The following ZNF440 variants were observed in gnomAD, a reference collection of about 807,000 sequenced individuals.
ZNF440 encodes zinc finger protein 440.
ZNF440 carries 47 observed loss-of-function variants against 49.7 expected under a neutral mutation model. The ratio of observed to expected loss-of-function variants is 0.95; its 90% CI spans 0.75 to 1.21. ZNF440 has a LOEUF of 1.21. Ranked by LOEUF, ZNF440 falls within the 50% of genes most tolerant of loss-of-function variation. ZNF440 has a pLI of 0.00. For missense variants in ZNF440, 703 were observed against 715.0 expected, an observed-to-expected ratio of 0.98 and a Z score of 0.19; for synonymous variants, 255 against 237.7, an observed-to-expected ratio of 1.07 and a Z score of -0.67.
Position 11,831,943 on chromosome 19 carries a change from A to G in ZNF440, c.767A>G (p.Tyr256Cys), listed in dbSNP as rs200303910. 6.2e-7 allele frequency: 1 copy of G among 1,614,096 alleles called. No individual in the cohort carries two copies. The highest frequency in any genetic ancestry group is 1.3e-5 in the African/African-American group (1 of 75,050). The change falls in exon 4 of 4, where the codon TAT becomes TGT. Residue 256 changes from tyrosine (Y) to cysteine (C), a missense_variant. Physicochemically the swap from Tyr to Cys is radical, Grantham distance 194 (BLOSUM62 -2). Coordinates refer to ENST00000304060, the MANE Select transcript of ZNF440 (RefSeq NM_152357.3). ...AGAACTCACACTGGAGAAAAGCCTT[A>G]TGAATATCAGGAGTGTGGGAAAGCA... ...HKRTHTGEKP[Y>C]EYQECGKAFH...
rs115339733 is a variant in ZNF440 at position 11,830,115 on chromosome 19, G to T, written c.4-168G>T. On this transcript the variant is annotated intron_variant, in intron 1 of 3. Coordinates refer to ENST00000304060, the MANE Select transcript of ZNF440 (RefSeq NM_152357.3). ...ACAAGAGTGAAAAAAAAAACAAGTT[G>T]CTTTGTGGAAGAAAGTAAGTATACA... 1,571 of 1,367,360 alleles carry T rather than the reference G, an allele frequency of 1.1e-3. 16 individuals are homozygous for T. In the African/African-American group the frequency reaches 0.02, roughly 17 times the overall value. 84.7% of individuals were successfully genotyped at this position (1,367,360 alleles called of 1,614,324 possible). A position where few individuals can be genotyped will look rare whatever the true frequency, so the allele number is the denominator to read the frequency against.
At chr19:11,814,509 C>G (rs1975707753) in intron 1 of ZNF440, 59 bp downstream of exon 1, 1 of 1,438,408 alleles carries the variant, frequency 7.0e-7, no homozygotes, top group African/African-American at 1.5e-5. Flanking sequence ...TCGGCCGGAA[C>G]CGGCTGAGGC....
intron 1 of ZNF440, among the ~76,000 whole-genome samples, chr19:11,820,303 G>A (rs938526325): frequency 2.2e-4 from 33 of 152,134 alleles, no homozygotes; most frequent in South Asian, 8.3e-4. Context: ...TGCAAGCTCC[G>A]CTTCCCGGGT....
At chr19:11,830,015 A>G (rs899103437) in intron 1 of ZNF440, 2 of 526,142 alleles carry the variant, frequency 3.8e-6, no homozygotes, top group Non-Finnish European at 6.3e-6. Context: ...TTAGCTACTC[A>G]GGAGGCTGAG....
chr19:11,832,294 G>A lies in ZNF440; in HGVS notation c.1118G>A (p.Cys373Tyr), dbSNP rs1026562139. Reference sequence around the variant, plus strand: ...GAGAAACCCTATAAATGTAAGCAGTGTGGTAAAGCCTTCCCTCATTCCAGT... The same window carrying A: ...GAGAAACCCTATAAATGTAAGCAGTATGGTAAAGCCTTCCCTCATTCCAGT... ...SGEKPYKCKQCGKAFPHSSSL... is the reference protein window; with the variant it reads ...SGEKPYKCKQYGKAFPHSSSL... The change falls in exon 4 of 4, where the codon TGT (cysteine) becomes TAT (tyrosine). Residue 373 changes from cysteine to tyrosine, a missense_variant. Coordinates refer to ENST00000304060, the MANE Select transcript of ZNF440 (RefSeq NM_152357.3). 5 of 1,614,038 alleles carry A rather than the reference G, an allele frequency of 3.1e-6. No homozygotes were observed. The highest frequency in any genetic ancestry group is 2.2e-5 in the East Asian group (1 of 44,884).
At chr19:11,830,067 G>GCA in intron 1 of ZNF440, 3 of 912,216 alleles carry the variant, frequency 3.3e-6, no homozygotes, top group Non-Finnish European at 3.2e-6. Context: ...CCGAGATCAT[G>GCA]CCATTGCACT....
chr19:11,814,854 G>C (rs1276947851), intron 1 of ZNF440, among the ~76,000 whole-genome samples: 2 of 152,212 alleles, frequency 1.3e-5, no homozygotes, highest in Non-Finnish European at 2.9e-5. Flanking sequence ...AGTCACAAGA[G>C]CACAGCGAGC....
At chr19:11,825,852 C>G (rs965743233) in intron 1 of ZNF440, among the ~76,000 whole-genome samples, 7 of 123,430 alleles carry the variant, frequency 5.7e-5, no homozygotes, top group African/African-American at 2.3e-4. Context: ...TTTCACTCTT[C>G]TTGCCCAGGC....
In ZNF440 at chr19:11,832,657, T is replaced by C. The variant is rs753933212; in HGVS notation, c.1481T>C (p.Val494Ala). The C allele has an allele frequency of 1.2e-6, 2 of 1,611,816 alleles. No individual in the cohort carries two copies. The highest frequency in any genetic ancestry group is 1.7e-6 in the Non-Finnish European group (2 of 1,179,342). The change falls in exon 4 of 4, where the codon GTT (valine) becomes GCT (alanine). Residue 494 changes from valine (V) to alanine (A), a missense_variant. Physicochemically the swap from Val to Ala is moderately conservative, Grantham distance 64. Transcript: ENST00000304060. ...TATGAATGCAAGCAACGTTCAGTAG[T>C]TCCTTCAGTAGTTCCAGTTCCTTTT... is the stretch of plus-strand genomic sequence containing the variant. ...KLYECKQRSV[V>A]PSVVPVPFDI...
rs1341672137 is a variant in ZNF440 at position 11,835,016 on chromosome 19, TG to T, written c.*2053del. On this transcript the variant is annotated 3_prime_UTR_variant, in exon 4 of 4. Transcript: ENST00000304060. ...TTGCAGTGAGCCGAGGTTGCACCAT[TG>T]TACTCCAGCCTGGGCAACAAGAGTG... The T allele has an allele frequency of 6.6e-6, 1 of 152,112 alleles. No individual in the cohort carries two copies. Among genetic ancestry groups the T allele is most frequent in the African/African-American group, 2.4e-5 (1 of 41,352 alleles). The allele number at this position is 152,112 out of a possible 1,614,324, so 9.4% of individuals were successfully genotyped here. A position where few individuals can be genotyped will look rare whatever the true frequency, so the allele number is the denominator to read the frequency against.
chr19:11,833,452 T>C lies in ZNF440; in HGVS notation c.*488T>C. The C allele has an allele frequency of 2.7e-6, 1 of 368,390 alleles. No homozygotes were observed. Among genetic ancestry groups the C allele is most frequent in the East Asian group, 7.4e-5 (1 of 13,430 alleles). 22.8% of individuals were successfully genotyped at this position (368,390 alleles called of 1,614,324 possible). A position where few individuals can be genotyped will look rare whatever the true frequency, so the allele number is the denominator to read the frequency against. On this transcript the variant is annotated 3_prime_UTR_variant, in exon 4 of 4. Transcript: ENST00000304060. ...AAGCATTCAGCTTGCCTACTTCCTT[T>C]CATAGACATGAAAAGACTCACACTG...
At position 11,831,966 on chromosome 19, in the gene ZNF440, G is replaced by C. The variant is rs1975948537; in HGVS notation, c.790G>C (p.Ala264Pro). 4.3e-6 allele frequency: 7 copies of C among 1,613,986 alleles called. No homozygotes were observed. The highest frequency in any genetic ancestry group is 5.9e-6 in the Non-Finnish European group (7 of 1,179,916). The stretch of plus-strand genomic sequence containing the variant: ...TTATGAATATCAGGAGTGTGGGAAA[G>C]CATTTCATAGTCCCAGATCCTATCG... ...KPYEYQECGK[A>P]FHSPRSYRRH... Residue 264 changes from alanine (A) to proline (P), a missense_variant, in exon 4 of 4, where the codon GCA (alanine) becomes CCA (proline). Coordinates refer to ENST00000304060, the MANE Select transcript of ZNF440 (RefSeq NM_152357.3).
rs769295663 is a variant in ZNF440, at chr19:11,832,880, A to G, written c.1704A>G (p.Arg568=). The change falls in exon 4 of 4, where the codon AGA becomes AGG. Residue 568 remains arginine, a synonymous_variant. Coordinates refer to ENST00000304060, the MANE Select transcript of ZNF440 (RefSeq NM_152357.3). ...FEYVVGHTME[R]SPMHVRNVGN... ...ACGTGGTAGGACACACAATGGAGAGAAGCCCTATGCATGTAAGGAATGTGG... is the reference window on the plus strand; with the variant it reads ...ACGTGGTAGGACACACAATGGAGAGGAGCCCTATGCATGTAAGGAATGTGG... 1.2e-6 allele frequency: 2 copies of G among 1,612,296 alleles called. No individual in the cohort carries two copies. The highest frequency in any genetic ancestry group is 2.2e-5 in the South Asian group (2 of 90,958).
In ZNF440 at chr19:11,831,553, G is replaced by C; in HGVS notation, c.377G>C (p.Arg126Thr). ...AACTCATCTTTTAATATGAACATCA[G>C]AGGTGACATTGGACACAAGGCATAT... ...LGNSSFNMNI[R>T]GDIGHKAYEY... The change falls in exon 4 of 4, where the codon AGA becomes ACA. Residue 126 changes from arginine (R) to threonine (T), a missense_variant. Transcript: ENST00000304060. The C allele has an allele frequency of 6.2e-7, 1 of 1,614,080 alleles. No individual in the cohort carries two copies. Among genetic ancestry groups the C allele is most frequent in the South Asian group, 1.1e-5 (1 of 91,076 alleles).
Position 11,832,055 on chromosome 19 carries a change from C to CA in ZNF440, c.880dup (p.Thr294AsnfsTer10). On this transcript the variant is annotated frameshift_variant, in exon 4 of 4. Transcript: ENST00000304060. LOFTEE classifies it high-confidence loss of function. ...AATGTAAGGAATGTGGAAAAGCATT[C>CA]ACGTGTCCCCGTTATGTTCGTATAC... The CA allele has an allele frequency of 6.2e-7, 1 of 1,614,064 alleles. No individual in the cohort carries two copies. The highest frequency in any genetic ancestry group is 8.5e-7 in the Non-Finnish European group (1 of 1,179,982).
At chr19:11,831,045 A>C (rs912865054) in intron 3 of ZNF440, among the ~76,000 whole-genome samples, 2 of 152,242 alleles carry the variant, frequency 1.3e-5, no homozygotes, top group African/African-American at 4.8e-5. Context: ...GGCTGCAGTA[A>C]GCTATGGTGA....
rs761005648 is a variant in ZNF440, at chr19:11,830,652, C to T, written c.166C>T (p.His56Tyr). 19 of 1,613,866 alleles carry T rather than the reference C, an allele frequency of 1.2e-5. No individual in the cohort carries two copies. Among genetic ancestry groups the T allele is most frequent in the Middle Eastern group, 3.3e-4 (2 of 6,082 alleles). The change falls in exon 3 of 4, where the codon CAC becomes TAC. Residue 56 changes from histidine to tyrosine, a missense_variant. Physicochemically the swap from His to Tyr is moderately conservative, Grantham distance 83 (BLOSUM62 2). Transcript: ENST00000304060. Reference protein sequence around the residue: ...RWKDQNIEYEHQNPRRNFRSL... With the variant: ...RWKDQNIEYEYQNPRRNFRSL... ...GAAAGACCAGAACATTGAATATGAG[C>T]ACCAAAACCCCAGGAGAAACTTCAG...
Position 11,831,728 on chromosome 19 carries a change from T to C in ZNF440, c.552T>C (p.His184=), listed in dbSNP as rs2145132055. The C allele has an allele frequency of 6.2e-7, 1 of 1,614,106 alleles. No individual in the cohort carries two copies. The highest frequency in any genetic ancestry group is 8.5e-7 in the Non-Finnish European group (1 of 1,179,994). The change falls in exon 4 of 4, where the codon CAT becomes CAC. Residue 184 remains histidine (H), a synonymous_variant. Coordinates refer to ENST00000304060, the MANE Select transcript of ZNF440 (RefSeq NM_152357.3). ...TATGTGGAAAAACCTTTATTTCCCA[T>C]TCAAGTGTTCGAAGACACATGGTAA... ...CKVCGKTFIS[H]SSVRRHMVMH... is the part of the protein sequence containing the mutation.
chr19:11,823,037 A>G (rs907325719), intron 1 of ZNF440, among the ~76,000 whole-genome samples: 7 of 152,102 alleles, frequency 4.6e-5, no homozygotes, highest in South Asian at 4.2e-4. Context: ...GGTGACTTAA[A>G]GAATAAACAT....
Sources: allele counts gnomAD v4.1 joint callset (sites outside exome capture counted in the v4.1 genomes callset), GRCh38; gene constraint gnomAD v4.1.1; transcripts MANE v1.5; gene names NCBI Gene and HGNC (gene_info 2026-07-23, HGNC 2026-07-21).